The following CCR5AS variants were observed in gnomAD, a reference collection of about 807,000 sequenced individuals.
CCR5AS encodes the protein CCR5 antisense RNA.
intron 1 of CCR5AS, among the ~76,000 whole-genome samples, chr3:46,394,625 G>C (rs1433669554): frequency 2.0e-5 from 3 of 152,140 alleles, no homozygotes; most frequent in Non-Finnish European, 4.4e-5. Context: ...TGAGATTCCA[G>C]CACTTCTCAG....
chr3:46,370,676 T>C (rs1428965440), intron 3 of CCR5AS, among the ~76,000 whole-genome samples: 2 of 152,228 alleles, frequency 1.3e-5, no homozygotes, highest in Non-Finnish European at 2.9e-5. Context: ...TCTGATATCC[T>C]TTATTCTTTA....
chr3:46,404,734 C>T (rs1702031644), intron 1 of CCR5AS, among the ~76,000 whole-genome samples: 1 of 152,184 alleles, frequency 6.6e-6, no homozygotes, highest in Non-Finnish European at 1.5e-5. Flanking sequence ...TTCTCCATAG[C>T]ACTTCTCTCC....
intron 2 of CCR5AS, among the ~76,000 whole-genome samples, chr3:46,380,696 G>A (rs907465549): frequency 6.6e-6 from 1 of 152,234 alleles, no homozygotes. Flanking sequence ...CTCCCTTCAC[G>A]ATCAGCACCT....
At chr3:46,387,462 C>A (rs1305333084) in intron 2 of CCR5AS, among the ~76,000 whole-genome samples, 1 of 152,224 alleles carries the variant, frequency 6.6e-6, no homozygotes, top group African/African-American at 2.4e-5. Context: ...AAAGTCCCCA[C>A]TTTTCCCACA....
chr3:46,378,532 T>A (rs1243996941), intron 2 of CCR5AS, among the ~76,000 whole-genome samples: 1 of 152,166 alleles, frequency 6.6e-6, no homozygotes, highest in Non-Finnish European at 1.5e-5. Flanking sequence ...ATGGCAAGCC[T>A]TGGGTCATAC....
chr3:46,373,228 T>C (rs1444940100), intron 2 of CCR5AS: 2 of 1,614,156 alleles, frequency 1.2e-6, no homozygotes, highest in South Asian at 2.2e-5. Context: ...GGGCTCTATT[T>C]TATAGGCTTC....
intron 2 of CCR5AS, chr3:46,374,469 A>T (rs1279795999): frequency 6.0e-6 from 1 of 167,234 alleles, no homozygotes; most frequent in East Asian, 1.9e-4. Flanking sequence ...TTCATGTGTG[A>T]TTTCCCCTCC....
intron 1 of CCR5AS, among the ~76,000 whole-genome samples, chr3:46,397,870 G>A (rs919995137): frequency 2.6e-5 from 4 of 152,196 alleles, no homozygotes; most frequent in African/African-American, 7.2e-5. Context: ...TCATTGAAAC[G>A]CTACTCAATG....
intron 2 of CCR5AS, among the ~76,000 whole-genome samples, chr3:46,381,839 C>G (rs1701819793): frequency 6.6e-6 from 1 of 152,190 alleles, no homozygotes; most frequent in African/African-American, 2.4e-5. Flanking sequence ...CGAGTTCCAG[C>G]CTTGGGGCTG....
At chr3:46,373,612 T>A in intron 2 of CCR5AS, 1 of 1,614,108 alleles carries the variant, frequency 6.2e-7, no homozygotes, top group Non-Finnish European at 8.5e-7. Flanking sequence ...GTGAGGCTTA[T>A]CTTCACCATC....
intron 2 of CCR5AS, among the ~76,000 whole-genome samples, chr3:46,381,950 T>G (rs1046327175): frequency 3.9e-5 from 6 of 152,136 alleles, no homozygotes; most frequent in African/African-American, 1.4e-4. Flanking sequence ...TAAAAAGAAA[T>G]TATTTAGGTG....
At chr3:46,404,327 CTTTTT>C (rs10567130) in intron 1 of CCR5AS, among the ~76,000 whole-genome samples, 1 of 75,910 alleles carries the variant, frequency 1.3e-5, no homozygotes, top group African/African-American at 6.9e-5. Context: ...CTCTCTCTCT[CTTTTT>C]TTTTTTTTTT....
At chr3:46,386,510 C>G (rs1158758637) in intron 2 of CCR5AS, among the ~76,000 whole-genome samples, 3 of 152,114 alleles carry the variant, frequency 2.0e-5, no homozygotes, top group Non-Finnish European at 4.4e-5. Context: ...ATGGCAGAGA[C>G]AGTGAGATGG....
chr3:46,396,612 A>T (rs1701964132), intron 1 of CCR5AS, among the ~76,000 whole-genome samples: 1 of 152,182 alleles, frequency 6.6e-6, no homozygotes, highest in South Asian at 2.1e-4. Flanking sequence ...TGGGAACTGG[A>T]GCTGCCTGCC....
chr3:46,369,790 G>T (rs910571582), intron 3 of CCR5AS, among the ~76,000 whole-genome samples: 2 of 152,090 alleles, frequency 1.3e-5, no homozygotes, highest in African/African-American at 2.4e-5. Flanking sequence ...GAAAGCTGAG[G>T]GTAAGACAGG....
intron 1 of CCR5AS, among the ~76,000 whole-genome samples, chr3:46,393,293 C>CTG (rs1559574808): frequency 6.6e-6 from 1 of 151,392 alleles, no homozygotes; most frequent in African/African-American, 2.4e-5. Flanking sequence ...AAGGCAGGAG[C>CTG]GGCCTATTTT....
chr3:46,391,618 A>G (rs1310963713), intron 2 of CCR5AS, among the ~76,000 whole-genome samples: 1 of 152,180 alleles, frequency 6.6e-6, no homozygotes, highest in Admixed American at 6.5e-5. Context: ...GAGGTCAGCT[A>G]AAGAAAAAGG....
At chr3:46,400,700 G>A (rs1701999298) in intron 1 of CCR5AS, among the ~76,000 whole-genome samples, 1 of 152,202 alleles carries the variant, frequency 6.6e-6, no homozygotes, top group African/African-American at 2.4e-5. Context: ...GGACAACTAA[G>A]CCACCAGGAT....
chr3:46,385,261 A>C (rs1466274875), intron 2 of CCR5AS, among the ~76,000 whole-genome samples: 1 of 152,170 alleles, frequency 6.6e-6, no homozygotes, highest in Non-Finnish European at 1.5e-5. Flanking sequence ...GCACCCCCTA[A>C]CTGTGTTAAA....
Sources: gnomAD v4.1 joint callset for allele counts (sites outside exome capture counted in the v4.1 genomes callset) on GRCh38, gnomAD v4.1.1 for gene constraint, MANE v1.5 for transcripts, NCBI Gene and HGNC (gene_info 2026-07-23, HGNC 2026-07-21) for gene names.